Variants in BCAS3 observed in about 807,000 individuals in gnomAD.
BCAS3 encodes the protein BCAS3 microtubule associated cell migration factor.
In BCAS3, 53 loss-of-function variants were observed where a neutral mutation model predicts 116.1. The ratio of observed to expected loss-of-function variants is 0.46; its 90% CI spans 0.37 to 0.57. The LOEUF (loss-of-function observed/expected upper bound fraction) is 0.57, where lower values mean the gene tolerates loss of function less well. BCAS3 is among the 20% of genes least tolerant of loss of function. The pLI, the probability that BCAS3 is intolerant of heterozygous loss-of-function variation, is 0.00. For missense variants in BCAS3, 917 were observed against 1,165.4 expected (o/e 0.79, Z 3.10); for synonymous variants, 391 against 408.2 (o/e 0.96, Z 0.51).
chr17:60,865,975 G>A (rs974207681), intron 7 of BCAS3, among the ~76,000 whole-genome samples: 2 of 152,150 alleles, frequency 1.3e-5, no homozygotes, highest in East Asian at 3.9e-4. Flanking sequence ...TCCTAAAAAT[G>A]CCATATCTGC....
chr17:61,332,958 C>A lies in BCAS3; in HGVS notation c.2426-35369C>A, dbSNP rs559146907. On this transcript the variant is annotated intron_variant, in intron 22 of 23. Transcript: ENST00000407086. The surrounding 1 kb of genome is among the most constrained non-coding windows in gnomAD (Gnocchi z 5.4). ...GGAGGCAGCTAAGGCTCAGAGAAGT[C>A]ATATTACAAGTCTAGGGCAGAGCGG... Among the ~76,000 whole-genome samples, 133 of 152,334 alleles carry A rather than the reference C, an allele frequency of 8.7e-4. No individual in the cohort carries two copies. The highest frequency in any genetic ancestry group is 3.1e-3 in the African/African-American group (131 of 41,588).
intron 10 of BCAS3, among the ~76,000 whole-genome samples, chr17:60,892,186 C>T (rs60508798): frequency 0.046 from 7,030 of 152,180 alleles, 515 homozygotes; most frequent in African/African-American, 0.16. Flanking sequence ...ATTGCTGGGT[C>T]GAATGGTAGT....
rs576580774 is a variant in BCAS3 at position 61,073,666 on chromosome 17, A to G, written c.2030-1254A>G. On this transcript the variant is annotated intron_variant, in intron 19 of 23. Transcript: ENST00000407086. This position sits in a 1 kb window ranked among gnomAD's most constrained non-coding sequence, Gnocchi z 4.6. Reference sequence around the variant, plus strand: ...GTATATATAAATGTCTTTTGGTGGTAGAAATTATGAGGGTTTTCAGCTTCT... The same window carrying G: ...GTATATATAAATGTCTTTTGGTGGTGGAAATTATGAGGGTTTTCAGCTTCT... Among the ~76,000 whole-genome samples, 30 of 152,194 alleles carry G rather than the reference A, an allele frequency of 2.0e-4. No homozygotes were observed. Among genetic ancestry groups the G allele is most frequent in the Non-Finnish European group, 3.1e-4 (21 of 68,026 alleles).
At chr17:60,783,269 A>G (rs1312729967) in intron 6 of BCAS3, among the ~76,000 whole-genome samples, 2 of 152,134 alleles carry the variant, frequency 1.3e-5, no homozygotes, top group African/African-American at 2.4e-5. Context: ...CAGTGGTGCA[A>G]TCATAGCTCA....
At chr17:60,923,112 A>C (rs899890945) in intron 12 of BCAS3, among the ~76,000 whole-genome samples, 11 of 152,228 alleles carry the variant, frequency 7.2e-5, no homozygotes, top group Non-Finnish European at 1.3e-4. Flanking sequence ...TGGAACAGTA[A>C]ACAGTGAAAT....
At chr17:60,836,746 G>A (rs1599045815) in intron 7 of BCAS3, among the ~76,000 whole-genome samples, 3 of 152,160 alleles carry the variant, frequency 2.0e-5, no homozygotes, top group South Asian at 4.1e-4. Context: ...ACTTTTAGAT[G>A]GAGTCATTTC....
rs986955484 is a variant in BCAS3 at position 61,130,012 on chromosome 17, A to G, written c.2425+45448A>G. ...TCTTGTTTTGTAGCTTTTTGTTTATAAAGGCAATGTTGTATTCCACAGCAT... is the reference window on the plus strand; with the variant it reads ...TCTTGTTTTGTAGCTTTTTGTTTATGAAGGCAATGTTGTATTCCACAGCAT... On this transcript the variant is annotated intron_variant, in intron 22 of 23. Transcript: ENST00000407086. This position sits in a 1 kb window ranked among gnomAD's most constrained non-coding sequence, Gnocchi z 5.0. 1.3e-5 allele frequency among the ~76,000 whole-genome samples: 2 copies of G among 152,192 alleles called. No individual in the cohort carries two copies. The highest frequency in any genetic ancestry group is 2.9e-5 in the Non-Finnish European group (2 of 68,030).
chr17:60,794,982 A>G (rs2047088454), intron 6 of BCAS3, among the ~76,000 whole-genome samples: 1 of 151,952 alleles, frequency 6.6e-6, no homozygotes, highest in Admixed American at 6.6e-5. Flanking sequence ...GAATTTGTAG[A>G]TTGCTTTTGG....
intron 14 of BCAS3, among the ~76,000 whole-genome samples, chr17:60,970,669 A>G (rs1233779741): frequency 1.3e-5 from 2 of 152,230 alleles, no homozygotes; most frequent in Non-Finnish European, 2.9e-5. Flanking sequence ...AAATGCACAT[A>G]ATTTAAATGC....
At position 60,818,852 on chromosome 17, in the gene BCAS3, G is replaced by A. The variant is rs911398710; in HGVS notation, c.476+10776G>A. Among the ~76,000 whole-genome samples, 10 of 152,068 alleles carry A rather than the reference G, an allele frequency of 6.6e-5. 1 individual carries two copies. The highest frequency in any genetic ancestry group is 2.4e-4 in the African/African-American group (10 of 41,408). On this transcript the variant is annotated intron_variant, in intron 7 of 23. Coordinates refer to ENST00000407086, the MANE Select transcript of BCAS3 (RefSeq NM_017679.5). Reference sequence around the variant, plus strand: ...AGGTATACCGTTTATGCTGACAGCTGCCGCACTGGCATAGAGACGTTTTTA... The same window carrying A: ...AGGTATACCGTTTATGCTGACAGCTACCGCACTGGCATAGAGACGTTTTTA...
intron 22 of BCAS3, among the ~76,000 whole-genome samples, chr17:61,212,729 T>C (rs2081537846): frequency 6.6e-6 from 1 of 152,234 alleles, no homozygotes; most frequent in Non-Finnish European, 1.5e-5. Flanking sequence ...TGAAACTTTA[T>C]TAGATTCAGT....
At chr17:61,080,179 A>G (rs987782405) in intron 21 of BCAS3, among the ~76,000 whole-genome samples, 7 of 152,020 alleles carry the variant, frequency 4.6e-5, no homozygotes, top group Non-Finnish European at 1.0e-4. Flanking sequence ...TGTGGGGACT[A>G]CAGGCGTGAG....
chr17:61,102,295 A>G (rs1004395015), intron 22 of BCAS3, among the ~76,000 whole-genome samples: 25 of 152,124 alleles, frequency 1.6e-4, no homozygotes, highest in African/African-American at 5.8e-4. Context: ...TAGGATTCTT[A>G]ACATCTGTTT....
At position 61,021,938 on chromosome 17, in the gene BCAS3, T is replaced by G. The variant is rs573375915; in HGVS notation, c.1637+6037T>G. On this transcript the variant is annotated intron_variant, in intron 16 of 23. Coordinates refer to ENST00000407086, the MANE Select transcript of BCAS3 (RefSeq NM_017679.5). The surrounding 1 kb of genome is among the most constrained non-coding windows in gnomAD (Gnocchi z 4.6). Reference sequence around the variant, plus strand: ...AGTTCGGAGAATTAAATTGGAAATATTTGGAGAAAGACCCACTAGATACAG... The same window carrying G: ...AGTTCGGAGAATTAAATTGGAAATAGTTGGAGAAAGACCCACTAGATACAG... Among the ~76,000 whole-genome samples, 1 of 152,308 alleles carries G rather than the reference T, an allele frequency of 6.6e-6. No individual in the cohort carries two copies. The highest frequency in any genetic ancestry group is 2.1e-4 in the South Asian group (1 of 4,828).
chr17:61,319,371 G>A (rs1420463346), intron 22 of BCAS3, among the ~76,000 whole-genome samples: 3 of 152,126 alleles, frequency 2.0e-5, no homozygotes, highest in African/African-American at 4.8e-5. Flanking sequence ...CTTAGAACTC[G>A]GATGTACAAT....
intron 7 of BCAS3, among the ~76,000 whole-genome samples, chr17:60,826,935 A>T (rs908886328): frequency 2.6e-5 from 4 of 152,132 alleles, no homozygotes; most frequent in African/African-American, 7.2e-5. Flanking sequence ...GCTTGTAGTG[A>T]TATTTCTGTT....
At chr17:61,331,214 T>A (rs1602740553) in intron 22 of BCAS3, among the ~76,000 whole-genome samples, 1 of 152,140 alleles carries the variant, frequency 6.6e-6, no homozygotes, top group South Asian at 2.1e-4. Flanking sequence ...AGATGGGGGC[T>A]AGAGTGGGAG....
rs1297879269 is a variant in BCAS3, at chr17:61,171,767, T to C, written c.2425+87203T>C. 6.6e-6 allele frequency among the ~76,000 whole-genome samples: 1 copy of C among 152,094 alleles called. No individual in the cohort carries two copies. The highest frequency in any genetic ancestry group is 1.5e-5 in the Non-Finnish European group (1 of 68,026). Reference sequence around the variant, plus strand: ...TCCTGAGTAGCTGGGATTTCAGGCATGTGCCACCATGCCCTGCTAATTAAA... The same window carrying C: ...TCCTGAGTAGCTGGGATTTCAGGCACGTGCCACCATGCCCTGCTAATTAAA... On this transcript the variant is annotated intron_variant, in intron 22 of 23. Transcript: ENST00000407086. The surrounding 1 kb of genome is among the most constrained non-coding windows in gnomAD (Gnocchi z 4.1).
intron 14 of BCAS3, among the ~76,000 whole-genome samples, chr17:60,963,241 T>C (rs1290009880): frequency 6.9e-6 from 1 of 145,522 alleles, no homozygotes; most frequent in Non-Finnish European, 1.5e-5. Flanking sequence ...ATATAAATGT[T>C]AAGATTTTTT....
Sources: allele counts gnomAD v4.1 joint callset (sites outside exome capture counted in the v4.1 genomes callset), GRCh38; gene constraint gnomAD v4.1.1; non-coding constraint Gnocchi (gnomAD v3.1); transcripts MANE v1.5; gene names NCBI Gene and HGNC (gene_info 2026-07-23, HGNC 2026-07-21).